Variants in TNNI3K observed in about 807,000 individuals in gnomAD.
TNNI3K encodes TNNI3 interacting kinase, also known as serine/threonine-protein kinase TNNI3K.
Under a neutral mutation model 114.5 loss-of-function variants are expected in TNNI3K, and 140 were observed. The ratio of observed to expected loss-of-function variants is 1.22; its 90% CI spans 1.07 to 1.41. TNNI3K has a LOEUF of 1.41. Ranked by LOEUF, TNNI3K falls within the 40% of genes most tolerant of loss-of-function variation. TNNI3K has a pLI of 0.00. For synonymous variants in TNNI3K, 347 were observed against 347.5 expected, an observed-to-expected ratio of 1.00 and a Z score of 0.02; for missense variants, 1,125 against 1,007.6, an observed-to-expected ratio of 1.12 and a Z score of -1.58.
chr1:74,470,971 C>G, intron 21 of TNNI3K: 1 of 400,660 alleles, frequency 2.5e-6, no homozygotes. Flanking sequence ...AACATCACTT[C>G]CTGTATTTTC....
At chr1:74,284,171 C>A (rs1479667265) in intron 5 of TNNI3K, among the ~76,000 whole-genome samples, 1 of 152,108 alleles carries the variant, frequency 6.6e-6, no homozygotes, top group Admixed American at 6.5e-5. Flanking sequence ...CAAGTGGGGG[C>A]TACTTACTTT....
At chr1:74,289,484 G>GCGAATTACAGTCC (rs1657543083) in intron 5 of TNNI3K, among the ~76,000 whole-genome samples, 1 of 65,258 alleles carries the variant, frequency 1.5e-5, no homozygotes, top group Non-Finnish European at 3.4e-5. Context: ...CCCATAGGTA[G>GCGAATTACAGTCC]TGTCATTAGT....
chr1:74,470,834 G>A, intron 21 of TNNI3K: 1 of 400,626 alleles, frequency 2.5e-6, no homozygotes, highest in Non-Finnish European at 4.4e-6. Flanking sequence ...TCTAAAAGTT[G>A]TGTTTGATTC....
intron 9 of TNNI3K, among the ~76,000 whole-genome samples, chr1:74,352,514 A>C (rs975424594): frequency 6.6e-6 from 1 of 152,186 alleles, no homozygotes; most frequent in African/African-American, 2.4e-5. Flanking sequence ...GGGACATTTA[A>C]GTCTACAGAG....
At chr1:74,446,946 T>A (rs1402357739) in intron 20 of TNNI3K, among the ~76,000 whole-genome samples, 1 of 104,778 alleles carries the variant, frequency 9.5e-6, no homozygotes. Flanking sequence ...TACTGTAGCC[T>A]TGTAGTATAG....
chr1:74,511,657 G>A (rs1023849307), intron 23 of TNNI3K, among the ~76,000 whole-genome samples: 1 of 151,960 alleles, frequency 6.6e-6, no homozygotes, highest in Admixed American at 6.6e-5. Flanking sequence ...CAGTCCTGGG[G>A]GAATTCACAG....
chr1:74,439,325 T>C, intron 19 of TNNI3K, 165 bp from the exon 20 acceptor site: 1 of 1,081,186 alleles, frequency 9.2e-7, no homozygotes, highest in Middle Eastern at 3.3e-4. Flanking sequence ...TGTATAAACA[T>C]GTTTATTGCA....
chr1:74,308,347 A>G (rs1055549846), intron 5 of TNNI3K, among the ~76,000 whole-genome samples: 1 of 152,134 alleles, frequency 6.6e-6, no homozygotes, highest in Non-Finnish European at 1.5e-5. Context: ...TTAGAAATCA[A>G]TACCAAGGAA....
At chr1:74,512,891 G>T (rs1670301559) in intron 23 of TNNI3K, among the ~76,000 whole-genome samples, 1 of 152,152 alleles carries the variant, frequency 6.6e-6, no homozygotes, top group South Asian at 2.1e-4. Context: ...GCCTTATGAT[G>T]GGGTCACTAT....
chr1:74,486,273 T>C (rs1435796919), intron 21 of TNNI3K, among the ~76,000 whole-genome samples: 1 of 150,596 alleles, frequency 6.6e-6, no homozygotes, highest in African/African-American at 2.4e-5. Context: ...AGTGACTCAC[T>C]CCCCTCCAGG....
chr1:74,510,887 A>C (rs1211326902), intron 23 of TNNI3K, among the ~76,000 whole-genome samples: 1 of 152,136 alleles, frequency 6.6e-6, no homozygotes, highest in Non-Finnish European at 1.5e-5. Context: ...CAAACTGAAT[A>C]TGCTTTTTTT....
At chr1:74,464,373 A>T (rs1019455556) in intron 21 of TNNI3K, among the ~76,000 whole-genome samples, 1 of 152,154 alleles carries the variant, frequency 6.6e-6, no homozygotes, top group Non-Finnish European at 1.5e-5. Flanking sequence ...CAGAGTGGAG[A>T]GTATTAGTTT....
intron 17 of TNNI3K, among the ~76,000 whole-genome samples, chr1:74,402,210 G>T (rs1664400836): frequency 6.6e-6 from 1 of 152,132 alleles, no homozygotes; most frequent in South Asian, 2.1e-4. Context: ...GAAAAGGATG[G>T]AATGGGGCGG....
chr1:74,521,824 T>C (rs1646437211), intron 23 of TNNI3K, among the ~76,000 whole-genome samples: 1 of 152,190 alleles, frequency 6.6e-6, no homozygotes, highest in Non-Finnish European at 1.5e-5. Context: ...AAATGTTAAG[T>C]GTTTTGATCC....
At chr1:74,389,476 C>A (rs1304656925) in intron 17 of TNNI3K, among the ~76,000 whole-genome samples, 1 of 152,110 alleles carries the variant, frequency 6.6e-6, no homozygotes, top group Non-Finnish European at 1.5e-5. Flanking sequence ...ATTTCATGAA[C>A]CTTAGTATCT....
chr1:74,270,313 A>G (rs1656262905), intron 4 of TNNI3K, among the ~76,000 whole-genome samples: 1 of 151,930 alleles, frequency 6.6e-6, no homozygotes, highest in East Asian at 1.9e-4. Flanking sequence ...ATCTTTTTTC[A>G]GAAGGCTGGA....
intron 1 of TNNI3K, 68 bp from the exon 2 acceptor site, chr1:74,236,034 G>T (rs754445893): frequency 1.1e-5 from 14 of 1,220,110 alleles, no homozygotes; most frequent in Non-Finnish European, 1.5e-5. Flanking sequence ...TTACTTGTAT[G>T]TTATGATCTG....
intron 11 of TNNI3K, among the ~76,000 whole-genome samples, chr1:74,360,429 G>C (rs750734412): frequency 5.3e-5 from 8 of 151,810 alleles, no homozygotes; most frequent in Non-Finnish European, 1.0e-4. Flanking sequence ...CATCATATTC[G>C]CTAGATCACC....
At chr1:74,469,850 G>T (rs1488940666) in intron 21 of TNNI3K, 1 of 400,348 alleles carries the variant, frequency 2.5e-6, no homozygotes, top group Non-Finnish European at 4.4e-6. Flanking sequence ...AGTAGAAAAG[G>T]ATTATTATTT....
Sources: allele counts gnomAD v4.1 joint callset (sites outside exome capture counted in the v4.1 genomes callset), GRCh38; gene constraint gnomAD v4.1.1; transcripts MANE v1.5; gene names NCBI Gene and HGNC (gene_info 2026-07-23, HGNC 2026-07-21).